ZNF451: variants seen among roughly 807,000 people sequenced by gnomAD.
ZNF451 encodes E3 SUMO-protein ligase ZNF451.
ZNF451 carries 80 observed loss-of-function variants against 107.1 expected under a neutral mutation model. The ratio of observed to expected loss-of-function variants is 0.75; its 90% CI spans 0.62 to 0.90. ZNF451 has a LOEUF of 0.90. Among genes scored for constraint, ZNF451 ranks in the 40% least tolerant of loss-of-function variants. ZNF451 has a pLI of 0.00. For synonymous variants in ZNF451, 362 were observed against 406.5 expected (o/e 0.89, Z 1.32); for missense variants, 1,107 against 1,236.2 (o/e 0.90, Z 1.57).
intron 3 of ZNF451, chr6:57,109,491 A>C (rs1398336477): frequency 1.0e-6 from 1 of 985,232 alleles, no homozygotes; most frequent in South Asian, 4.7e-5. Context: ...CAACACACTA[A>C]AGCCTGATGC....
At chr6:57,106,403 G>A (rs1469998929) in intron 3 of ZNF451, 5 of 718,716 alleles carry the variant, frequency 7.0e-6, no homozygotes, top group African/African-American at 4.0e-5. Context: ...GCCACCTCCC[G>A]GGTTCAAGCA....
intron 5 of ZNF451, among the ~76,000 whole-genome samples, chr6:57,130,624 C>G (rs184242159): frequency 6.6e-6 from 1 of 152,104 alleles, no homozygotes; most frequent in Non-Finnish European, 1.5e-5. Context: ...GAATGGTAGT[C>G]GGGCCAGTAA....
Position 57,100,691 on chromosome 6 carries a change from G to A in ZNF451, c.186+1550G>A, listed in dbSNP as rs1035179994. ...AATGTTCCTCTTCCCATTGGAGATA[G>A]CAGCTCCTTCTCTGGGAGTTGTTCC... is the stretch of plus-strand genomic sequence containing the variant. On this transcript the variant is annotated intron_variant, in intron 3 of 14. Transcript: ENST00000370706. 5 of 1,550,508 alleles carry A rather than the reference G, an allele frequency of 3.2e-6. No homozygotes were observed. In the African/African-American group the frequency reaches 6.8e-5, roughly 21 times the overall value.
chr6:57,117,832 TG>T (rs1333097817), intron 3 of ZNF451, among the ~76,000 whole-genome samples: 5 of 152,186 alleles, frequency 3.3e-5, no homozygotes, highest in Non-Finnish European at 7.4e-5. Context: ...TAACTTAAAA[TG>T]GTTTTATTAT....
At chr6:57,093,740 A>G (rs1359450443) in intron 2 of ZNF451, among the ~76,000 whole-genome samples, 2 of 152,264 alleles carry the variant, frequency 1.3e-5, no homozygotes, top group African/African-American at 4.8e-5. Context: ...CATTTTGAGT[A>G]GAAGAAACAA....
intron 13 of ZNF451, chr6:57,158,577 T>G: frequency 2.0e-6 from 2 of 985,444 alleles, no homozygotes; most frequent in Non-Finnish European, 2.4e-6. Context: ...ATTGGAGTAC[T>G]GCAACATGTG....
chr6:57,103,113 A>G (rs1309714120), intron 3 of ZNF451: 1 of 985,352 alleles, frequency 1.0e-6, no homozygotes, highest in African/African-American at 1.7e-5. Flanking sequence ...AAAGGATGTT[A>G]CACGATCCAG....
At chr6:57,159,665 G>T (rs1157287978) in intron 13 of ZNF451, among the ~76,000 whole-genome samples, 1 of 151,910 alleles carries the variant, frequency 6.6e-6, no homozygotes, top group African/African-American at 2.4e-5. Flanking sequence ...TGGTTTAGAG[G>T]TTTAATTTTG....
chr6:57,112,784 TATATTC>T (rs1397429728), intron 3 of ZNF451, among the ~76,000 whole-genome samples: 1 of 152,194 alleles, frequency 6.6e-6, no homozygotes, highest in African/African-American at 2.4e-5. Context: ...ATGTTCATAA[TATATTC>T]ATATTTCTAT....
intron 7 of ZNF451, among the ~76,000 whole-genome samples, chr6:57,135,220 C>T (rs1831372946): frequency 6.6e-6 from 1 of 151,980 alleles, no homozygotes; most frequent in Non-Finnish European, 1.5e-5. Context: ...ATGTTGGCGC[C>T]ATATAGTAAA....
chr6:57,167,028 G>A (rs1179165404), intron 14 of ZNF451, among the ~76,000 whole-genome samples: 2 of 152,186 alleles, frequency 1.3e-5, no homozygotes, highest in African/African-American at 2.4e-5. Context: ...AGATGTTGCT[G>A]TACTTAATGA....
Position 57,160,892 on chromosome 6 carries a change from CAGG to C in ZNF451, c.3071-189_3071-187del, listed in dbSNP as rs1201391119. ...AGATGAATGCATATGATTTTCAAAA[CAGG>C]AGAATTTAATGTCACCATTTTTAAT... On this transcript the variant is annotated intron_variant, in intron 13 of 14. Transcript: ENST00000370706. 23 of 424,068 alleles carry C rather than the reference CAGG, an allele frequency of 5.4e-5. No homozygotes were observed. In the Admixed American group the frequency reaches 7.1e-4, roughly 13 times the overall value. 26.3% of individuals were successfully genotyped at this position (424,068 alleles called of 1,614,324 possible).
intron 3 of ZNF451, among the ~76,000 whole-genome samples, chr6:57,113,924 C>T (rs768031093): frequency 1.3e-5 from 2 of 152,006 alleles, no homozygotes; most frequent in Non-Finnish European, 2.9e-5. Flanking sequence ...CGCGCCCAGC[C>T]GAAAAATTTT....
chr6:57,108,401 T>C, intron 3 of ZNF451: 2 of 985,458 alleles, frequency 2.0e-6, no homozygotes, highest in Non-Finnish European at 2.4e-6. Flanking sequence ...AATGTAGTAA[T>C]GTGTTAAATA....
At chr6:57,097,222 C>G (rs1367285234) in intron 2 of ZNF451, among the ~76,000 whole-genome samples, 1 of 152,140 alleles carries the variant, frequency 6.6e-6, no homozygotes, top group Non-Finnish European at 1.5e-5. Flanking sequence ...AGATCCCTGC[C>G]CAGTTTTGCC....
intron 9 of ZNF451, among the ~76,000 whole-genome samples, chr6:57,143,950 C>A (rs1831920650): frequency 6.6e-6 from 1 of 152,006 alleles, no homozygotes; most frequent in Non-Finnish European, 1.5e-5. Context: ...AAGCTAGTCA[C>A]AAAAAGTCCA....
At chr6:57,149,757 C>T (rs1413525363) in intron 10 of ZNF451, among the ~76,000 whole-genome samples, 1 of 152,038 alleles carries the variant, frequency 6.6e-6, no homozygotes, top group Non-Finnish European at 1.5e-5. Flanking sequence ...TCATGAGCTA[C>T]CTAGTCAACT....
intron 7 of ZNF451, among the ~76,000 whole-genome samples, chr6:57,137,891 G>T (rs1476740157): frequency 6.6e-6 from 1 of 152,108 alleles, no homozygotes; most frequent in Non-Finnish European, 1.5e-5. Flanking sequence ...TTCCCATAAT[G>T]TGTTTCAAGG....
chr6:57,130,752 G>T (rs984813557), intron 5 of ZNF451, among the ~76,000 whole-genome samples: 2 of 152,148 alleles, frequency 1.3e-5, no homozygotes, highest in African/African-American at 4.8e-5. Flanking sequence ...GGGATCAAAT[G>T]AGTTATTTAG....
Sources: gnomAD v4.1 joint callset for allele counts (sites outside exome capture counted in the v4.1 genomes callset) on GRCh38, gnomAD v4.1.1 for gene constraint, MANE v1.5 for transcripts, NCBI Gene and HGNC (gene_info 2026-07-23, HGNC 2026-07-21) for gene names.